Variants in SLC22A25 observed in about 807,000 individuals in gnomAD.
SLC22A25 encodes the protein solute carrier family 22 member 25, also known as MGI:2442751, MGI:2385316, MGI:3042283, MGI:3645714, MGI:3605624, MGI:2442750.
In SLC22A25, 44 loss-of-function variants were observed where a neutral mutation model predicts 45.9. The ratio of observed to expected loss-of-function variants is 0.96; its 90% CI spans 0.75 to 1.23. SLC22A25 has a LOEUF of 1.23. SLC22A25 is among the 50% of genes most tolerant of loss of function. SLC22A25 has a pLI of 0.00. For synonymous variants in SLC22A25, 283 were observed against 238.6 expected, an observed-to-expected ratio of 1.19 and a Z score of -1.72; for missense variants, 800 against 666.4, an observed-to-expected ratio of 1.20 and a Z score of -2.21.
In SLC22A25 at chr11:63,164,070, T is replaced by C. The variant is rs950255843; in HGVS notation, c.1398A>G (p.Gly466=). 14 of 1,581,594 alleles carry C rather than the reference T, an allele frequency of 8.9e-6. No homozygotes were observed. Among genetic ancestry groups the C allele is most frequent in the African/African-American group, 4.1e-5 (3 of 73,496 alleles). Residue 466 remains glycine, a synonymous_variant, in exon 12 of 12, where the codon GGA becomes GGG. Coordinates refer to ENST00000306494, the MANE Select transcript of SLC22A25 (RefSeq NM_199352.6). ...ENELIPSIIR[G]RATGITGNFA... The stretch of plus-strand genomic sequence containing the variant: ...AGTTTCCAGTGATTCCAGTAGCTCT[T>C]CCCCTTGGAGTAAAAACAGCAACAG...
At chr11:63,230,634 C>T (rs1367781351) in intron 3 of SLC22A25, among the ~76,000 whole-genome samples, 1 of 151,812 alleles carries the variant, frequency 6.6e-6, no homozygotes, top group East Asian at 1.9e-4. Flanking sequence ...ACAGTTCACC[C>T]TTTTAAAAAA....
In SLC22A25 at chr11:63,183,685, C is replaced by G; in HGVS notation, c.954+9G>C. 3 of 1,612,600 alleles carry G rather than the reference C, an allele frequency of 1.9e-6. No homozygotes were observed. The highest frequency in any genetic ancestry group is 1.7e-6 in the Non-Finnish European group (2 of 1,178,982). ...CCAGCATCCCATATCCAGCTCCCGTCTTGCTTACCTCCATGGTTAGGATGT... is the reference window on the plus strand; with the variant it reads ...CCAGCATCCCATATCCAGCTCCCGTGTTGCTTACCTCCATGGTTAGGATGT... On this transcript the variant is annotated intron_variant, in intron 8 of 11. Coordinates refer to ENST00000306494, the MANE Select transcript of SLC22A25 (RefSeq NM_199352.6).
intron 7 of SLC22A25, among the ~76,000 whole-genome samples, chr11:63,193,665 T>C (rs955051899): frequency 2.6e-5 from 4 of 152,176 alleles, no homozygotes; most frequent in Non-Finnish European, 4.4e-5. Flanking sequence ...TATGTCACCA[T>C]CATCAAAGAT....
rs1390667515 is a variant in SLC22A25 at position 63,229,439 on chromosome 11, G to A, written c.214C>T (p.Leu72Phe). The change falls in exon 4 of 12, where the codon CTC (leucine) becomes TTC (phenylalanine). Residue 72 changes from leucine (L) to phenylalanine (F), a missense_variant. Leu to Phe is a conservative substitution (Grantham distance 22). Transcript: ENST00000306494. ...TCGAATGGGATGGAGATTCTCAGGA[G>A]GGCATCCTGGCTGAGGGTCCCAGGG... ...NDPGTLSQDALLRISIPFDSN... is the reference protein window; with the variant it reads ...NDPGTLSQDAFLRISIPFDSN... 6.2e-7 allele frequency: 1 copy of A among 1,614,104 alleles called. No individual in the cohort carries two copies.
At position 63,199,827 on chromosome 11, in the gene SLC22A25, A is replaced by G. The variant is rs1291625946; in HGVS notation, c.831-16010T>C. On this transcript the variant is annotated intron_variant, in intron 7 of 11. Coordinates refer to ENST00000306494, the MANE Select transcript of SLC22A25 (RefSeq NM_199352.6). Reference sequence around the variant, plus strand: ...GTCCGAGAAGATTGTAACCTCATATATTCAGCCTATGAGGAACCAGGGGAG... The same window carrying G: ...GTCCGAGAAGATTGTAACCTCATATGTTCAGCCTATGAGGAACCAGGGGAG... Among the ~76,000 whole-genome samples the G allele has an allele frequency of 2.0e-5, 3 of 148,392 alleles. No homozygotes were observed. In the East Asian group the frequency reaches 5.9e-4, roughly 29 times the overall value.
intron 5 of SLC22A25, among the ~76,000 whole-genome samples, chr11:63,226,763 G>T (rs1027897077): frequency 3.3e-5 from 5 of 152,192 alleles, no homozygotes; most frequent in African/African-American, 7.2e-5. Flanking sequence ...GGCAAATCCA[G>T]AGATGCTGTA....
intron 7 of SLC22A25, among the ~76,000 whole-genome samples, chr11:63,196,240 A>C (rs1278273066): frequency 1.3e-5 from 2 of 152,140 alleles, no homozygotes; most frequent in Admixed American, 6.6e-5. Flanking sequence ...GGAGTCCTCC[A>C]TAACTCATTT....
At chr11:63,221,219 T>A (rs192816606) in intron 5 of SLC22A25, among the ~76,000 whole-genome samples, 298 of 152,196 alleles carry the variant, frequency 2.0e-3, no homozygotes, top group Non-Finnish European at 3.6e-3. Flanking sequence ...TCCATGGGAG[T>A]TGTACTAAGT....
Position 63,231,965 on chromosome 11 carries a change from G to C in SLC22A25, c.-444-1869C>G, listed in dbSNP as rs2090076714. Among the ~76,000 whole-genome samples the C allele has an allele frequency of 1.3e-5, 2 of 152,116 alleles. 1 individual carries two copies. Among genetic ancestry groups the C allele is most frequent in the South Asian group, 4.1e-4 (2 of 4,830 alleles). Reference sequence around the variant, plus strand: ...TGTAGATATGTGGCATTATTTCTGAGGGCTCTGTTCTGTTCCGTTGGTCTA... The same window carrying C: ...TGTAGATATGTGGCATTATTTCTGACGGCTCTGTTCTGTTCCGTTGGTCTA... On this transcript the variant is annotated intron_variant, in intron 3 of 11. Coordinates refer to ENST00000306494, the MANE Select transcript of SLC22A25 (RefSeq NM_199352.6).
At chr11:63,241,988 A>G (rs1590930237) in intron 1 of SLC22A25, among the ~76,000 whole-genome samples, 1 of 152,228 alleles carries the variant, frequency 6.6e-6, no homozygotes, top group Non-Finnish European at 1.5e-5. Context: ...TCTTAATGTC[A>G]TTACCTCTCA....
intron 9 of SLC22A25, among the ~76,000 whole-genome samples, chr11:63,173,790 G>C (rs190036099): frequency 9.2e-5 from 14 of 152,142 alleles, no homozygotes; most frequent in Non-Finnish European, 2.9e-5. Context: ...CCTTACCCAG[G>C]ATCTGTAAGT....
intron 1 of SLC22A25, among the ~76,000 whole-genome samples, chr11:63,241,743 A>G (rs2090252108): frequency 6.6e-6 from 1 of 152,120 alleles, no homozygotes; most frequent in Non-Finnish European, 1.5e-5. Context: ...TAGAAAGGCT[A>G]TTTTCTTCTG....
chr11:63,165,046 A>G lies in SLC22A25; in HGVS notation c.1286-412T>C, dbSNP rs182849384. On this transcript the variant is annotated intron_variant, in intron 10 of 11. Transcript: ENST00000306494. ...CATGTCCTCATAGATTTTAAAACCC[A>G]GATATATACACAATATTGACATGGG... 4.4e-4 allele frequency among the ~76,000 whole-genome samples: 67 copies of G among 152,314 alleles called. 1 individual carries two copies. The East Asian group carries it at 0.012, about 28-fold the overall frequency.
In SLC22A25 at chr11:63,161,122, C is replaced by A. The variant is rs1366764153; in HGVS notation, c.*2702G>T. On this transcript the variant is annotated 3_prime_UTR_variant, in exon 12 of 12. Transcript: ENST00000306494. ...TCACAATCATGGTGGAAGACGATTC[C>A]CATGTAGTCAGTGCCTTTTATCTAG... Among the ~76,000 whole-genome samples, 3 of 151,850 alleles carry A rather than the reference C, an allele frequency of 2.0e-5. No homozygotes were observed. Among genetic ancestry groups the A allele is most frequent in the Non-Finnish European group, 2.9e-5 (2 of 67,940 alleles).
chr11:63,232,306 G>C (rs996219643), intron 3 of SLC22A25, among the ~76,000 whole-genome samples: 79 of 151,998 alleles, frequency 5.2e-4, no homozygotes, highest in Admixed American at 1.6e-3. Context: ...TCTTTTATTT[G>C]ATTGAGCAGT....
intron 1 of SLC22A25, among the ~76,000 whole-genome samples, chr11:63,239,938 G>C (rs2090221001): frequency 2.0e-5 from 3 of 152,162 alleles, no homozygotes; most frequent in African/African-American, 7.2e-5. Context: ...TCACAGTCAT[G>C]CATCTCAAAA....
chr11:63,204,622 A>G (rs2089345380), intron 7 of SLC22A25, among the ~76,000 whole-genome samples: 1 of 152,244 alleles, frequency 6.6e-6, no homozygotes, highest in Non-Finnish European at 1.5e-5. Context: ...TATCCTAAAT[A>G]TAAATGCACC....
intron 1 of SLC22A25, among the ~76,000 whole-genome samples, chr11:63,241,385 C>T (rs2090245486): frequency 6.6e-6 from 1 of 152,150 alleles, no homozygotes; most frequent in African/African-American, 2.4e-5. Context: ...GTTAGTGCTT[C>T]TCTCCTTCTT....
rs776299797 is a variant in SLC22A25, at chr11:63,217,585, C to CA, written c.656dup (p.Leu219PhefsTer24). 6.2e-7 allele frequency: 1 copy of CA among 1,612,514 alleles called. No homozygotes were observed. The highest frequency in any genetic ancestry group is 8.5e-7 in the Non-Finnish European group (1 of 1,179,422). Reference sequence around the variant, plus strand: ...GGATCGAAAATATTGACTTACTTAACAAAACAGTATTTACAATGATGCTAA... The same window carrying CA: ...GGATCGAAAATATTGACTTACTTAACAAAAACAGTATTTACAATGATGCTAA... On this transcript the variant is annotated frameshift_variant, in exon 6 of 12. Coordinates refer to ENST00000306494, the MANE Select transcript of SLC22A25 (RefSeq NM_199352.6). LOFTEE classifies it high-confidence loss of function.
Sources: gnomAD v4.1 joint callset for allele counts (sites outside exome capture counted in the v4.1 genomes callset) on GRCh38, gnomAD v4.1.1 for gene constraint, MANE v1.5 for transcripts, NCBI Gene and HGNC (gene_info 2026-07-23, HGNC 2026-07-21) for gene names.